Variants in CDH13 observed in about 807,000 individuals in gnomAD.
The protein encoded by CDH13 is cadherin 13, also known as cadherin-13.
In CDH13, 24 loss-of-function variants were observed where a neutral mutation model predicts 63.8. The observed-to-expected ratio is 0.38, with a 90% CI of 0.27 to 0.53. The LOEUF (loss-of-function observed/expected upper bound fraction) is 0.53. CDH13 is among the 20% of genes least tolerant of loss of function. The probability of loss-of-function intolerance (pLI) is 0.85; values close to 1 mark genes in which losing one functional copy is unlikely to be tolerated. For missense variants in CDH13, 1,049 were observed against 903.1 expected, an observed-to-expected ratio of 1.16 and a Z score of -2.07; for synonymous variants, 503 against 355.3, an observed-to-expected ratio of 1.42 and a Z score of -4.67.
intron 1 of CDH13, among the ~76,000 whole-genome samples, chr16:82,715,097 GACCCTAGCTAAGT>G (rs553404539): frequency 8.7e-5 from 13 of 149,472 alleles, no homozygotes; most frequent in Non-Finnish European, 1.8e-4. Flanking sequence ...ACTTAGACAG[GACCCTAGCTAAGT>G]TCCATTCTGA....
At chr16:83,749,217 A>G (rs1460227991) in intron 11 of CDH13, among the ~76,000 whole-genome samples, 1 of 152,202 alleles carries the variant, frequency 6.6e-6, no homozygotes, top group African/African-American at 2.4e-5. Flanking sequence ...ATAGGTGCCC[A>G]TTGTTATACT....
chr16:83,623,175 G>A (rs77091831), intron 8 of CDH13, among the ~76,000 whole-genome samples: 14,857 of 152,200 alleles, frequency 0.098, 889 homozygotes, highest in Non-Finnish European at 0.14. Context: ...ACAAGAGCCC[G>A]GTTGAGGGGC....
In CDH13 at chr16:83,550,131, C is replaced by T. The variant is rs116243521; in HGVS notation, c.961-52323C>T. On this transcript the variant is annotated intron_variant, in intron 7 of 13. Coordinates refer to ENST00000567109, the MANE Select transcript of CDH13 (RefSeq NM_001257.5). ...TCACAACCTTAGACTGCAGGATGCA[C>T]TTTGCCAGGGGAAATGTATTCTCCA... Among the ~76,000 whole-genome samples, 458 of 152,340 alleles carry T rather than the reference C, an allele frequency of 3.0e-3. 2 individuals carry two copies. The highest frequency in any genetic ancestry group is 0.01 in the African/African-American group (435 of 41,572).
intron 11 of CDH13, among the ~76,000 whole-genome samples, chr16:83,751,433 A>G (rs1279389879): frequency 2.6e-5 from 3 of 114,760 alleles, no homozygotes; most frequent in African/African-American, 8.4e-5. Flanking sequence ...CATCTCTACT[A>G]AAAAAAAAAT....
intron 8 of CDH13, among the ~76,000 whole-genome samples, chr16:83,626,004 C>T (rs1910261326): frequency 6.7e-6 from 1 of 148,926 alleles, no homozygotes; most frequent in African/African-American, 2.5e-5. Flanking sequence ...AGGAAACAAG[C>T]TTGCTTCTTT....
chr16:83,404,800 G>T (rs1358038635), intron 6 of CDH13, among the ~76,000 whole-genome samples: 8 of 152,316 alleles, frequency 5.3e-5, no homozygotes, highest in South Asian at 2.1e-4. Flanking sequence ...TTTCTGTGCA[G>T]CCAGTTTTGC....
chr16:83,146,025 C>G (rs2036731623), intron 4 of CDH13, among the ~76,000 whole-genome samples: 1 of 152,010 alleles, frequency 6.6e-6, no homozygotes, highest in South Asian at 2.1e-4. Context: ...GAAACCCCAT[C>G]TCTGCTAAAA....
intron 1 of CDH13, among the ~76,000 whole-genome samples, chr16:82,643,821 C>T (rs1044017070): frequency 1.3e-5 from 2 of 151,996 alleles, no homozygotes; most frequent in South Asian, 2.1e-4. Flanking sequence ...TAGCTAACTG[C>T]AGCCTTGACC....
chr16:83,322,101 G>C (rs541720927), intron 5 of CDH13, among the ~76,000 whole-genome samples: 1 of 152,298 alleles, frequency 6.6e-6, no homozygotes, highest in Non-Finnish European at 1.5e-5. Flanking sequence ...AAAACAAGGG[G>C]CTGTTACTAG....
chr16:83,307,489 A>G (rs1415622576), intron 5 of CDH13, among the ~76,000 whole-genome samples: 1 of 152,176 alleles, frequency 6.6e-6, no homozygotes, highest in Non-Finnish European at 1.5e-5. Context: ...GCAGTTCTGA[A>G]GTAGCTCTCA....
At chr16:83,588,876 A>C (rs1906436281) in intron 7 of CDH13, among the ~76,000 whole-genome samples, 1 of 152,190 alleles carries the variant, frequency 6.6e-6, no homozygotes, top group Non-Finnish European at 1.5e-5. Flanking sequence ...GAGGCCACGC[A>C]CCACGTGGAG....
chr16:82,942,543 G>A (rs1904302602), intron 2 of CDH13, among the ~76,000 whole-genome samples: 1 of 152,174 alleles, frequency 6.6e-6, no homozygotes, highest in South Asian at 2.1e-4. Context: ...GTGCCATTTA[G>A]GTGGAGAAGT....
chr16:82,786,994 C>T (rs1338950622), intron 1 of CDH13, among the ~76,000 whole-genome samples: 1 of 152,086 alleles, frequency 6.6e-6, no homozygotes. Flanking sequence ...GGAGTATGAA[C>T]CATCTGAGGA....
intron 7 of CDH13, among the ~76,000 whole-genome samples, chr16:83,584,176 A>C (rs1396515043): frequency 6.6e-6 from 1 of 152,054 alleles, no homozygotes; most frequent in African/African-American, 2.4e-5. Context: ...AAAAATACAA[A>C]AAAAATTAGC....
chr16:83,599,847 G>A (rs982821652), intron 7 of CDH13, among the ~76,000 whole-genome samples: 1 of 152,136 alleles, frequency 6.6e-6, no homozygotes, highest in African/African-American at 2.4e-5. Flanking sequence ...AAGTGAAAGC[G>A]TTATGCAAGA....
At chr16:83,517,163 C>T (rs1270067594) in intron 7 of CDH13, among the ~76,000 whole-genome samples, 2 of 152,278 alleles carry the variant, frequency 1.3e-5, no homozygotes, top group Non-Finnish European at 2.9e-5. Flanking sequence ...AACAGGGTGA[C>T]TGTAAGAGGT....
intron 6 of CDH13, among the ~76,000 whole-genome samples, chr16:83,447,950 T>A (rs551858599): frequency 6.6e-6 from 1 of 152,018 alleles, no homozygotes; most frequent in Non-Finnish European, 1.5e-5. Flanking sequence ...CAGTCTCCTC[T>A]GTTACAGGGA....
At chr16:82,770,076 A>G (rs1480954079) in intron 1 of CDH13, among the ~76,000 whole-genome samples, 1 of 152,236 alleles carries the variant, frequency 6.6e-6, no homozygotes, top group Non-Finnish European at 1.5e-5. Flanking sequence ...CCAAAGCACA[A>G]CTGTCTATGG....
intron 6 of CDH13, among the ~76,000 whole-genome samples, chr16:83,345,320 C>T (rs774304767): frequency 2.0e-5 from 3 of 152,176 alleles, no homozygotes; most frequent in African/African-American, 2.4e-5. Context: ...AAGTCCAAGG[C>T]TAAACTTTGT....
Sources: allele counts gnomAD v4.1 joint callset (sites outside exome capture counted in the v4.1 genomes callset), GRCh38; gene constraint gnomAD v4.1.1; transcripts MANE v1.5; gene names NCBI Gene and HGNC (gene_info 2026-07-23, HGNC 2026-07-21).